The following ADAMTS13 variants were observed in gnomAD, a reference collection of about 807,000 sequenced individuals.
ADAMTS13 encodes the protein A disintegrin and metalloproteinase with thrombospondin motifs 13.
In ADAMTS13, 110 loss-of-function variants were observed where a neutral mutation model predicts 155.1. The observed-to-expected ratio is 0.71, with a 90% CI of 0.61 to 0.83. The LOEUF (loss-of-function observed/expected upper bound fraction) is 0.83, where lower values mean the gene tolerates loss of function less well. Among genes scored for constraint, ADAMTS13 ranks in the 40% least tolerant of loss-of-function variants. ADAMTS13 has a pLI of 0.00. For missense variants in ADAMTS13, 1,707 were observed against 1,891.7 expected (o/e 0.90, Z 1.81); for synonymous variants, 758 against 756.4 (o/e 1.00, Z -0.03).
upstream of ADAMTS13, among the ~76,000 whole-genome samples, chr9:133,421,692 A>G (rs927309150): frequency 3.3e-5 from 5 of 152,160 alleles, no homozygotes; most frequent in Non-Finnish European, 2.9e-5. Flanking sequence ...ATGCAGGAGG[A>G]GAGAGCTGGG....
intron 23 of ADAMTS13, 74 bp from the exon 24 acceptor site, chr9:133,454,341 G>A (rs587684893): frequency 1.6e-5 from 24 of 1,547,858 alleles, no homozygotes; most frequent in Non-Finnish European, 2.0e-5. Flanking sequence ...ACACGTGGGT[G>A]GAGAGGGGCC....
upstream of ADAMTS13, among the ~76,000 whole-genome samples, chr9:133,421,445 A>C (rs1274406951): frequency 1.3e-5 from 2 of 152,138 alleles, no homozygotes; most frequent in Non-Finnish European, 2.9e-5. Flanking sequence ...ATTTTTCTCC[A>C]TAACACTTAC....
At chr9:133,416,449 G>C (rs915661694) in intron 1 of ADAMTS13, among the ~76,000 whole-genome samples, 1 of 152,218 alleles carries the variant, frequency 6.6e-6, no homozygotes, top group Admixed American at 6.5e-5. Context: ...CTGAGCTCAA[G>C]TGATCCTCCT....
At chr9:133,415,485 T>C (rs587771607) in intron 1 of ADAMTS13, among the ~76,000 whole-genome samples, 1 of 149,516 alleles carries the variant, frequency 6.7e-6, no homozygotes, top group African/African-American at 2.5e-5. Context: ...GTGTCATAAA[T>C]GAAAAGAAAA....
At chr9:133,449,571 T>G (rs587621260) in intron 22 of ADAMTS13, among the ~76,000 whole-genome samples, 1 of 152,316 alleles carries the variant, frequency 6.6e-6, no homozygotes, top group East Asian at 1.9e-4. Context: ...GCCCTCACCT[T>G]TCTCTTCTGT....
At position 133,443,368 on chromosome 9, in the gene ADAMTS13, TTCCTCA is replaced by T. The variant is rs782359294; in HGVS notation, c.2235-7_2235-2del. 4 of 1,592,948 alleles carry T rather than the reference TTCCTCA, an allele frequency of 2.5e-6. No homozygotes were observed. In the Admixed American group the frequency reaches 6.8e-5, roughly 27 times the overall value. ...GCCAGGGTCCCGACGCTCTGTCTCCTTCCTCAGCTGGGCGGTGGGAGACTTCGGCCC... is the reference window on the plus strand; with the variant it reads ...GCCAGGGTCCCGACGCTCTGTCTCCTGCTGGGCGGTGGGAGACTTCGGCCC... On this transcript the variant is annotated splice_acceptor_variant and splice_polypyrimidine_tract_variant and intron_variant, in intron 18 of 28. Coordinates refer to ENST00000355699, the MANE Select transcript of ADAMTS13 (RefSeq NM_139027.6). LOFTEE classifies it high-confidence loss of function.
At position 133,424,314 on chromosome 9, in the gene ADAMTS13, C is replaced by A. The variant is rs377683598; in HGVS notation, c.173-7C>A. The stretch of plus-strand genomic sequence containing the variant: ...CATCGCCCTCTGCTCTCCCTCTCCC[C>A]CTCCAGGCCGCCCTCCTTCCCCTGG... On this transcript the variant is annotated splice_region_variant and splice_polypyrimidine_tract_variant and intron_variant, in intron 2 of 28. Coordinates refer to ENST00000355699, the MANE Select transcript of ADAMTS13 (RefSeq NM_139027.6). This position sits in a 1 kb window ranked among gnomAD's most constrained non-coding sequence, Gnocchi z 4.3. The A allele has an allele frequency of 1.2e-4, 192 of 1,611,802 alleles. No homozygotes were observed. The highest frequency in any genetic ancestry group is 1.5e-4 in the Non-Finnish European group (182 of 1,179,906).
At chr9:133,453,967 G>A (rs1842594462) in intron 23 of ADAMTS13, among the ~76,000 whole-genome samples, 1 of 152,144 alleles carries the variant, frequency 6.6e-6, no homozygotes, top group African/African-American at 2.4e-5. Flanking sequence ...TCTGAAGAAT[G>A]CGGGCCATAA....
chr9:133,448,587 T>C lies in ADAMTS13; in HGVS notation c.2732-12T>C, dbSNP rs781817998. Reference sequence around the variant, plus strand: ...TCCCTTGGGGCTCTGGGTCTCTGCTTTGTCCACGCAGGTCTGATGGAGCTG... The same window carrying C: ...TCCCTTGGGGCTCTGGGTCTCTGCTCTGTCCACGCAGGTCTGATGGAGCTG... On this transcript the variant is annotated splice_polypyrimidine_tract_variant and intron_variant, in intron 21 of 28. Transcript: ENST00000355699. 31 of 1,608,926 alleles carry C rather than the reference T, an allele frequency of 1.9e-5. No homozygotes were observed. Among genetic ancestry groups the C allele is most frequent in the Non-Finnish European group, 2.4e-5 (28 of 1,179,736 alleles).
intron 13 of ADAMTS13, 22 bp downstream of exon 13, chr9:133,437,919 C>T (rs781969456): frequency 8.1e-6 from 13 of 1,612,730 alleles, no homozygotes; most frequent in East Asian, 4.5e-5. Context: ...TGGACATTGG[C>T]GATGGCCCTG....
intron 7 of ADAMTS13, 76 bp downstream of exon 7, chr9:133,428,847 G>T (rs1554786068): frequency 1.7e-6 from 2 of 1,194,284 alleles, no homozygotes; most frequent in African/African-American, 1.6e-5. Context: ...CTCTCTCTAC[G>T]TCCGTCCCCA....
In ADAMTS13 at chr9:133,458,976, C is replaced by G; in HGVS notation, c.3912C>G (p.Ile1304Met). Residue 1304 changes from isoleucine (I) to methionine (M), a missense_variant and splice_region_variant, in exon 29 of 29, where the codon ATC becomes ATG. Physicochemically the swap from Ile to Met is conservative, Grantham distance 10. Transcript: ENST00000355699. Reference protein sequence around the residue: ...TEGANASYILIRDTHSLRTTA... With the variant: ...TEGANASYILMRDTHSLRTTA... ...CTGGGCTGCCCCTTTTCTCTCAGAT[C>G]CGGGACACCCACAGCTTGAGGACCA... 2 of 1,612,896 alleles carry G rather than the reference C, an allele frequency of 1.2e-6. No individual in the cohort carries two copies. The highest frequency in any genetic ancestry group is 1.7e-6 in the Non-Finnish European group (2 of 1,179,838).
intron 6 of ADAMTS13, among the ~76,000 whole-genome samples, chr9:133,426,864 C>T (rs148128850): frequency 7.9e-5 from 12 of 151,738 alleles, no homozygotes; most frequent in East Asian, 1.9e-4. Context: ...AGGGCAATGA[C>T]GTGATCTCAG....
Position 133,456,349 on chromosome 9 carries a change from G to A in ADAMTS13, c.3547+134G>A. The A allele has an allele frequency of 6.8e-7, 1 of 1,461,536 alleles. No homozygotes were observed. The allele number at this position is 1,461,536 out of a possible 1,614,324, so 90.5% of individuals were successfully genotyped here. On this transcript the variant is annotated intron_variant, in intron 26 of 28. Coordinates refer to ENST00000355699, the MANE Select transcript of ADAMTS13 (RefSeq NM_139027.6). The surrounding 1 kb of genome is among the most constrained non-coding windows in gnomAD (Gnocchi z 4.4). ...TAGTTTGCATCCCATCTCATGACTG[G>A]GGAGTGATGATCTGCATTTTACAGA...
intron 9 of ADAMTS13, 113 bp from the exon 10 acceptor site, chr9:133,433,265 G>T: frequency 2.1e-6 from 3 of 1,448,576 alleles, no homozygotes; most frequent in Non-Finnish European, 2.9e-6. Flanking sequence ...TGTGGGTGGG[G>T]TCCCTGTGTG....
intron 22 of ADAMTS13, 22 bp from the exon 23 acceptor site, chr9:133,449,761 C>A: frequency 6.2e-7 from 1 of 1,613,350 alleles, no homozygotes; most frequent in East Asian, 2.2e-5. Context: ...TGTTTGGGGT[C>A]CCTGACTCCA....
Position 133,438,459 on chromosome 9 carries a change from C to G in ADAMTS13, c.1705+93C>G. Reference sequence around the variant, plus strand: ...GTTGGTGCAGGGGCTGCTCAGGTCACAGGGCCTGCACACTCACTCAGCCCT... The same window carrying G: ...GTTGGTGCAGGGGCTGCTCAGGTCAGAGGGCCTGCACACTCACTCAGCCCT... On this transcript the variant is annotated intron_variant, in intron 14 of 28. Coordinates refer to ENST00000355699, the MANE Select transcript of ADAMTS13 (RefSeq NM_139027.6). The G allele has an allele frequency of 1.9e-6, 3 of 1,561,076 alleles. No homozygotes were observed. The East Asian group carries it at 7.0e-5, about 36-fold the overall frequency.
At chr9:133,418,573 C>G (rs1839815414), upstream of ADAMTS13, among the ~76,000 whole-genome samples, 1 of 152,214 alleles carries the variant, frequency 6.6e-6, no homozygotes, top group African/African-American at 2.4e-5. Context: ...AAACCGAGCT[C>G]TCTGAGTGAG....
chr9:133,415,162 G>A (rs587735000), intron 1 of ADAMTS13: 107 of 671,288 alleles, frequency 1.6e-4, no homozygotes, highest in East Asian at 5.6e-4. Flanking sequence ...ATTTTCAAAC[G>A]GTTTGGAAAA....
Sources: gnomAD v4.1 joint callset for allele counts (sites outside exome capture counted in the v4.1 genomes callset) on GRCh38, gnomAD v4.1.1 for gene constraint, Gnocchi (gnomAD v3.1) non-coding constraint, MANE v1.5 for transcripts, NCBI Gene and HGNC (gene_info 2026-07-23, HGNC 2026-07-21) for gene names.